ACSM3: variants seen among roughly 807,000 people sequenced by gnomAD.
ACSM3 encodes acyl-coenzyme A synthetase ACSM3, mitochondrial.
ACSM3 carries 61 observed loss-of-function variants against 74.1 expected under a neutral mutation model. That is an observed-to-expected ratio of 0.82 (90% confidence interval 0.67 to 1.02). The LOEUF is 1.02. ACSM3 is among the 50% of genes least tolerant of loss of function. The pLI, the probability that ACSM3 is intolerant of heterozygous loss-of-function variation, is 0.00. For missense variants in ACSM3, 660 were observed against 697.0 expected (o/e 0.95, Z 0.60); for synonymous variants, 213 against 241.5 (o/e 0.88, Z 1.09).
chr16:20,691,596 C>T (rs998113866), intron 1 of ACSM3, among the ~76,000 whole-genome samples: 9 of 152,074 alleles, frequency 5.9e-5, no homozygotes, highest in African/African-American at 1.7e-4. Flanking sequence ...ACTTTAGAAA[C>T]TTCCCTTTCT....
chr16:20,788,392 C>G (rs1471310714), intron 9 of ACSM3, among the ~76,000 whole-genome samples: 1 of 152,228 alleles, frequency 6.6e-6, no homozygotes, highest in African/African-American at 2.4e-5. Flanking sequence ...AAGGTACCCC[C>G]ACCTGCTCCC....
chr16:20,727,380 G>A (rs980664258), intron 1 of ACSM3: 19 of 583,778 alleles, frequency 3.3e-5, no homozygotes, highest in Non-Finnish European at 5.6e-5. Flanking sequence ...CTTGACAGGA[G>A]GGGAGGCCCT....
intron 1 of ACSM3, among the ~76,000 whole-genome samples, chr16:20,725,742 C>T (rs940520721): frequency 1.3e-5 from 2 of 152,106 alleles, no homozygotes; most frequent in African/African-American, 4.8e-5. Context: ...GAAGCTGAGG[C>T]GGGCAGATCA....
At chr16:20,678,946 A>G (rs2079376379) in intron 1 of ACSM3, among the ~76,000 whole-genome samples, 1 of 152,182 alleles carries the variant, frequency 6.6e-6, no homozygotes, top group Admixed American at 6.5e-5. Context: ...GACTAGAAGA[A>G]GTAACTTTAA....
chr16:20,791,356 ATTTAC>A (rs1396339774), intron 10 of ACSM3, among the ~76,000 whole-genome samples: 1 of 152,170 alleles, frequency 6.6e-6, no homozygotes, highest in African/African-American at 2.4e-5. Flanking sequence ...ACTCTTGAGT[ATTTAC>A]TTCTCTCTTT....
intron 2 of ACSM3, among the ~76,000 whole-genome samples, chr16:20,774,070 T>C (rs919566407): frequency 2.6e-5 from 4 of 152,190 alleles, no homozygotes; most frequent in Admixed American, 1.3e-4. Flanking sequence ...ACAATTGTTA[T>C]ATCCTCTTGC....
In ACSM3 at chr16:20,775,986, G is replaced by C. The variant is rs1395540946; in HGVS notation, c.367G>C (p.Val123Leu). 6.2e-7 allele frequency: 1 copy of C among 1,614,062 alleles called. No homozygotes were observed. The highest frequency in any genetic ancestry group is 8.5e-7 in the Non-Finnish European group (1 of 1,180,040). Reference sequence around the variant, plus strand: ...CTGTTCCCTACAAAGAGGAGATCGGGTAATTCTGATTCTGCCCAGGGTCCC... The same window carrying C: ...CTGTTCCCTACAAAGAGGAGATCGGCTAATTCTGATTCTGCCCAGGGTCCC... Reference protein sequence around the residue: ...EACSLQRGDRVILILPRVPEW... With the variant: ...EACSLQRGDRLILILPRVPEW... Residue 123 changes from valine (V) to leucine (L), a missense_variant, in exon 3 of 14, where the codon GTA (valine) becomes CTA (leucine). Physicochemically the swap from Val to Leu is conservative, Grantham distance 32. Coordinates refer to ENST00000289416, the MANE Select transcript of ACSM3 (RefSeq NM_005622.4).
At chr16:20,699,156 A>G (rs2079705587) in intron 1 of ACSM3, among the ~76,000 whole-genome samples, 2 of 152,170 alleles carry the variant, frequency 1.3e-5, no homozygotes, top group African/African-American at 4.8e-5. Flanking sequence ...GATTTGTTGC[A>G]TGGGATCATT....
chr16:20,718,022 A>AGAAGAAGAAGAAGAG (rs2079771572), intron 1 of ACSM3, among the ~76,000 whole-genome samples: 1 of 148,806 alleles, frequency 6.7e-6, no homozygotes, highest in Admixed American at 6.7e-5. Context: ...AAGAAGAAGA[A>AGAAGAAGAAGAAGAG]GAAGAAAAGA....
Position 20,737,033 on chromosome 16 carries a change from T to C in ACSM3, c.-189-12877T>C, listed in dbSNP as rs1483499193. 2.5e-6 allele frequency: 4 copies of C among 1,614,204 alleles called. No homozygotes were observed. In the South Asian group the frequency reaches 3.3e-5, roughly 13 times the overall value. On this transcript the variant is annotated intron_variant, in intron 1 of 3. Coordinates refer to the ACSM3 transcript ENST00000561584. ...TCTCTGGTACCTGCTGGTTATTTTT[T>C]CCTTCTGCTGTGTTGTTTTGGTCTG...
intron 1 of ACSM3, among the ~76,000 whole-genome samples, chr16:20,706,867 T>C (rs1368565052): frequency 1.3e-5 from 2 of 152,052 alleles, no homozygotes; most frequent in Non-Finnish European, 2.9e-5. Context: ...GAGAGACATG[T>C]CCATATGAGT....
At chr16:20,793,082 C>T (rs2080637881) in intron 12 of ACSM3, among the ~76,000 whole-genome samples, 1 of 152,178 alleles carries the variant, frequency 6.6e-6, no homozygotes, top group Non-Finnish European at 1.5e-5. Flanking sequence ...TGTATTCAAG[C>T]TCCTTATCTC....
At chr16:20,705,527 A>T (rs1213509515) in intron 1 of ACSM3, among the ~76,000 whole-genome samples, 3 of 152,234 alleles carry the variant, frequency 2.0e-5, no homozygotes, top group Non-Finnish European at 4.4e-5. Flanking sequence ...AGGAGCTTCA[A>T]ATTTTGTGTA....
At chr16:20,691,195 A>G in intron 1 of ACSM3, 1 of 1,563,084 alleles carries the variant, frequency 6.4e-7, no homozygotes, top group Non-Finnish European at 8.6e-7. Flanking sequence ...GCATGGTGAA[A>G]CAGTCCTCAG....
At chr16:20,733,607 T>C (rs1362621753) in intron 1 of ACSM3, 1 of 151,898 alleles carries the variant, frequency 6.6e-6, no homozygotes, top group African/African-American at 2.4e-5. Context: ...ATATATATAC[T>C]ATAAAGCAAG....
chr16:20,729,376 C>G (rs1305847978), intron 1 of ACSM3: 2 of 1,315,594 alleles, frequency 1.5e-6, no homozygotes, highest in Non-Finnish European at 1.1e-6. Context: ...ATTTGCCACT[C>G]TTAAGAGGCA....
At chr16:20,787,216 A>G (rs759962553) in intron 9 of ACSM3, among the ~76,000 whole-genome samples, 1 of 152,196 alleles carries the variant, frequency 6.6e-6, no homozygotes, top group Non-Finnish European at 1.5e-5. Flanking sequence ...AGTTGAAAAC[A>G]TCCTAAGTCA....
intron 1 of ACSM3, among the ~76,000 whole-genome samples, chr16:20,746,366 G>T (rs557232620): frequency 1.3e-5 from 2 of 152,082 alleles, no homozygotes; most frequent in African/African-American, 4.8e-5. Flanking sequence ...CTAATTTAAT[G>T]GTTCTTTTAT....
At chr16:20,778,757 C>T (rs1567351881) in intron 4 of ACSM3, among the ~76,000 whole-genome samples, 1 of 146,550 alleles carries the variant, frequency 6.8e-6, no homozygotes. Context: ...GCTATAGATA[C>T]TTTTTTTTTT....
Sources: allele counts gnomAD v4.1 joint callset (sites outside exome capture counted in the v4.1 genomes callset), GRCh38; gene constraint gnomAD v4.1.1; transcripts MANE v1.5; gene names NCBI Gene and HGNC (gene_info 2026-07-23, HGNC 2026-07-21).